The following ABCA13 variants were observed in gnomAD, a reference collection of about 807,000 sequenced individuals.
The protein encoded by ABCA13 is ATP binding cassette subfamily A member 13, also known as ATP-binding cassette sub-family A member 13.
Under a neutral mutation model 478.7 loss-of-function variants are expected in ABCA13, and 476 were observed. The observed-to-expected ratio is 0.99, with a 90% CI of 0.92 to 1.07. The LOEUF (loss-of-function observed/expected upper bound fraction) is 1.07. Ranked by LOEUF, ABCA13 falls within the 50% of genes least tolerant of loss-of-function variation. The probability of loss-of-function intolerance (pLI) is 0.00; values close to 1 mark genes in which losing one functional copy is unlikely to be tolerated. For synonymous variants in ABCA13, 2,252 were observed against 2,158.9 expected, an observed-to-expected ratio of 1.04 and a Z score of -1.20; for missense variants, 6,060 against 5,910.6, an observed-to-expected ratio of 1.03 and a Z score of -0.83.
At chr7:48,445,700 C>T (rs1389799802) in intron 42 of ABCA13, among the ~76,000 whole-genome samples, 1 of 152,110 alleles carries the variant, frequency 6.6e-6, no homozygotes, top group African/African-American at 2.4e-5. Flanking sequence ...GAACCTGTGG[C>T]AGGTTGTATT....
chr7:48,229,904 G>A lies in ABCA13; in HGVS notation c.712G>A (p.Val238Met), dbSNP rs758129436. Residue 238 changes from valine to methionine, a missense_variant, in exon 7 of 62, where the codon GTG becomes ATG. By Grantham distance (21) the Val-to-Met change is conservative. Transcript: ENST00000435803. ...FSQVSELVLN[V>M]TISTLTFLQQ... is the part of the protein sequence containing the mutation. ...CCAGGTTTCTGAACTTGTACTGAAT[G>A]TGACCATTTCGACACTGACATTTCT... The A allele has an allele frequency of 5.0e-6, 8 of 1,613,896 alleles. No homozygotes were observed. The highest frequency in any genetic ancestry group is 3.3e-5 in the Admixed American group (2 of 60,008).
chr7:48,387,837 G>T lies in ABCA13; in HGVS notation c.11351G>T (p.Arg3784Leu), dbSNP rs747211981. ...SNLIPGTFGL[R>L]KPWYFPFTAS... ...CATTTTTTAGGAACATTTGGTTTACGGAAACCATGGTATTTCCCCTTTACT... is the reference window on the plus strand; with the variant it reads ...CATTTTTTAGGAACATTTGGTTTACTGAAACCATGGTATTTCCCCTTTACT... The change falls in exon 36 of 62, where the codon CGG becomes CTG. Residue 3784 changes from arginine to leucine, a missense_variant. Physicochemically the swap from Arg to Leu is moderately radical, Grantham distance 102. Around this residue, in one of 3 missense-constraint regions of ABCA13, gnomAD observed 1,627 missense variants for 1,571.0 expected, o/e 1.04. Transcript: ENST00000435803. 3.2e-6 allele frequency: 5 copies of T among 1,578,878 alleles called. No homozygotes were observed. In the African/African-American group the frequency reaches 4.1e-5, roughly 13 times the overall value.
chr7:48,414,493 C>T (rs895575912), intron 41 of ABCA13, among the ~76,000 whole-genome samples: 2 of 150,482 alleles, frequency 1.3e-5, no homozygotes, highest in Non-Finnish European at 3.0e-5. Flanking sequence ...ATTCATCCAG[C>T]TATATTTTTA....
At chr7:48,316,972 A>C (rs76925731) in intron 26 of ABCA13, among the ~76,000 whole-genome samples, 185 bp from the exon 27 acceptor site, 13,213 of 152,208 alleles carry the variant, frequency 0.087, 712 homozygotes, top group East Asian at 0.17. Flanking sequence ...CTGGGGATCA[A>C]ATTTCAACTT....
chr7:48,590,138 A>G (rs975087004), intron 57 of ABCA13, among the ~76,000 whole-genome samples: 1 of 152,004 alleles, frequency 6.6e-6, no homozygotes, highest in Non-Finnish European at 1.5e-5. Context: ...CAACTTTTTA[A>G]TATTTCACTA....
chr7:48,530,050 T>C (rs1833120969), intron 55 of ABCA13, among the ~76,000 whole-genome samples: 1 of 152,108 alleles, frequency 6.6e-6, no homozygotes, highest in Non-Finnish European at 1.5e-5. Context: ...TGTGTAGTCT[T>C]TTATCCCTCA....
At position 48,389,068 on chromosome 7, in the gene ABCA13, GC is replaced by G. The variant is rs751221690; in HGVS notation, c.11503del (p.Glu3836LysfsTer12). 3 of 1,613,768 alleles carry G rather than the reference GC, an allele frequency of 1.9e-6. No individual in the cohort carries two copies. The African/African-American group carries it at 4.0e-5, about 22-fold the overall frequency. On this transcript the variant is annotated frameshift_variant, in exon 37 of 62. Coordinates refer to ENST00000435803, the MANE Select transcript of ABCA13 (RefSeq NM_152701.5). LOFTEE classifies it high-confidence loss of function. ...GSSLQNREGE[L>X]EGSAPGVTLV... ...CATCACTGCAAAACAGGGAAGGAGA[GC>G]TTGAAGGAAGTGCCCCGGGAGTCAC...
chr7:48,309,850 TC>T (rs1801494097), intron 23 of ABCA13, 96 bp from the exon 24 acceptor site: 1 of 1,420,212 alleles, frequency 7.0e-7, no homozygotes, highest in African/African-American at 1.4e-5. Flanking sequence ...GGAAATCCAC[TC>T]TTGGGCGACT....
chr7:48,462,722 T>C (rs1467479571), intron 43 of ABCA13, among the ~76,000 whole-genome samples: 1 of 152,188 alleles, frequency 6.6e-6, no homozygotes, highest in Non-Finnish European at 1.5e-5. Flanking sequence ...CTGGCCAGGC[T>C]GGTCGCGAAC....
At chr7:48,428,020 C>G (rs1339375666) in intron 42 of ABCA13, 149 bp downstream of exon 42, 7 of 458,506 alleles carry the variant, frequency 1.5e-5, no homozygotes, top group Non-Finnish European at 2.6e-5. Context: ...AAATACAGGT[C>G]AGAGGCAAAA....
intron 1 of ABCA13, among the ~76,000 whole-genome samples, chr7:48,180,619 G>A (rs1329689709): frequency 6.6e-6 from 1 of 151,992 alleles, no homozygotes; most frequent in South Asian, 2.1e-4. Context: ...TAGAGATGGG[G>A]TTTCACCCTG....
intron 55 of ABCA13, among the ~76,000 whole-genome samples, chr7:48,550,078 T>A (rs1333884037): frequency 6.6e-6 from 1 of 151,908 alleles, no homozygotes; most frequent in Non-Finnish European, 1.5e-5. Context: ...TAAACCGCAT[T>A]TGTCAATTTT....
chr7:48,630,983 T>C (rs1180367065), intron 59 of ABCA13, among the ~76,000 whole-genome samples: 1 of 152,138 alleles, frequency 6.6e-6, no homozygotes, highest in Non-Finnish European at 1.5e-5. Context: ...TTCTTGTCTT[T>C]TGCCCATTTT....
chr7:48,606,435 C>T (rs1377584672), intron 58 of ABCA13, among the ~76,000 whole-genome samples: 4 of 152,114 alleles, frequency 2.6e-5, no homozygotes, highest in Non-Finnish European at 5.9e-5. Context: ...TGATACTATT[C>T]CTTTCTGTTT....
chr7:48,395,085 G>A (rs1816652289), intron 38 of ABCA13, among the ~76,000 whole-genome samples: 1 of 152,198 alleles, frequency 6.6e-6, no homozygotes, highest in South Asian at 2.1e-4. Context: ...CTCTCTTGCA[G>A]GCCTGTGCAC....
Position 48,587,285 on chromosome 7 carries a change from A to T in ABCA13, c.14637A>T (p.Leu4879Phe). The stretch of plus-strand genomic sequence containing the variant: ...TGGTGGGGAAACCTGACATTCTTTT[A>T]TTGGTGAGTAGAAGAATGTCAATAT... ...LALVGKPDILLLDEPSSGMDP... is the reference protein window; with the variant it reads ...LALVGKPDILFLDEPSSGMDP... Residue 4879 changes from leucine to phenylalanine, a missense_variant, in exon 57 of 62, where the codon TTA becomes TTT. Physicochemically the swap from Leu to Phe is conservative, Grantham distance 22 (BLOSUM62 0). Transcript: ENST00000435803. The T allele has an allele frequency of 6.2e-7, 1 of 1,603,036 alleles. No individual in the cohort carries two copies. The highest frequency in any genetic ancestry group is 8.5e-7 in the Non-Finnish European group (1 of 1,174,216).
Position 48,276,570 on chromosome 7 carries a change from G to A in ABCA13, c.6899+5G>A. 6.2e-6 allele frequency: 10 copies of A among 1,608,824 alleles called. No individual in the cohort carries two copies. The highest frequency in any genetic ancestry group is 8.5e-6 in the Non-Finnish European group (10 of 1,177,960). On this transcript the variant is annotated splice_donor_5th_base_variant and intron_variant, in intron 17 of 61. Coordinates refer to ENST00000435803, the MANE Select transcript of ABCA13 (RefSeq NM_152701.5). The stretch of plus-strand genomic sequence containing the variant: ...AGATGTTATTGCAGAGATGAGGTGA[G>A]TATACTTTTGCTTTGTGTCATATAT...
At chr7:48,603,225 T>G (rs1791099241) in intron 58 of ABCA13, among the ~76,000 whole-genome samples, 1 of 152,178 alleles carries the variant, frequency 6.6e-6, no homozygotes, top group African/African-American at 2.4e-5. Flanking sequence ...CTTTATTTCT[T>G]TCTCTTGCCT....
Position 48,524,449 on chromosome 7 carries a change from G to T in ABCA13, c.14244+9G>T. Reference sequence around the variant, plus strand: ...GCATACCAAAAGGAGAGGTAATGAAGCTTCTATTTTTAATCTTCTTCTGTT... The same window carrying T: ...GCATACCAAAAGGAGAGGTAATGAATCTTCTATTTTTAATCTTCTTCTGTT... On this transcript the variant is annotated intron_variant, in intron 54 of 61. Coordinates refer to ENST00000435803, the MANE Select transcript of ABCA13 (RefSeq NM_152701.5). The T allele has an allele frequency of 1.3e-6, 2 of 1,596,516 alleles. No individual in the cohort carries two copies. Among genetic ancestry groups the T allele is most frequent in the Non-Finnish European group, 8.5e-7 (1 of 1,174,240 alleles).
Sources: gnomAD v4.1 joint callset for allele counts (sites outside exome capture counted in the v4.1 genomes callset) on GRCh38, gnomAD v4.1.1 for gene constraint, gnomAD v4.1.1 regional missense constraint, MANE v1.5 for transcripts, NCBI Gene and HGNC (gene_info 2026-07-23, HGNC 2026-07-21) for gene names.